Variants in PPARGC1A observed in about 807,000 individuals in gnomAD.
The protein encoded by PPARGC1A is peroxisome proliferator-activated receptor gamma coactivator 1-alpha.
A neutral mutation model predicts 88.7 loss-of-function variants in PPARGC1A; 25 were observed. The ratio of observed to expected loss-of-function variants is 0.28; its 90% CI spans 0.21 to 0.39. The LOEUF (loss-of-function observed/expected upper bound fraction) is 0.39, where lower values mean the gene tolerates loss of function less well. PPARGC1A is among the 10% of genes least tolerant of loss of function. The pLI is 1.00. For synonymous variants in PPARGC1A, 363 were observed against 355.6 expected, an observed-to-expected ratio of 1.02 and a Z score of -0.24; for missense variants, 880 against 968.7, an observed-to-expected ratio of 0.91 and a Z score of 1.22.
At chr4:24,398,044 A>C in the PPARGC1A span, among the ~76,000 whole-genome samples, 1 of 152,208 alleles carries the variant, frequency 6.6e-6, no homozygotes, top group Non-Finnish European at 1.5e-5. Context: ...AAGCCTTAAC[A>C]AGACCTAGCC....
At chr4:23,999,181 G>C in the PPARGC1A span, among the ~76,000 whole-genome samples, 3 of 151,950 alleles carry the variant, frequency 2.0e-5, no homozygotes, top group Non-Finnish European at 4.4e-5. Context: ...TATAAGCCAC[G>C]GTATTCCCTA....
At chr4:23,912,148 T>C in the PPARGC1A span, among the ~76,000 whole-genome samples, 101,329 of 151,550 alleles carry the variant, frequency 0.67, 35,343 homozygotes, top group African/African-American at 0.87. Flanking sequence ...TTTTCAAGAG[T>C]AGGTTCTAGA....
the PPARGC1A span, among the ~76,000 whole-genome samples, chr4:24,284,285 G>A: frequency 6.6e-6 from 1 of 152,094 alleles, no homozygotes; most frequent in South Asian, 2.1e-4. Context: ...CTCCAGCCTG[G>A]GCGACAGAGC....
At chr4:23,887,382 A>G (rs1351559491) in intron 1 of PPARGC1A, among the ~76,000 whole-genome samples, 1 of 152,246 alleles carries the variant, frequency 6.6e-6, no homozygotes, top group Non-Finnish European at 1.5e-5. Flanking sequence ...CCTTTGGACA[A>G]TGCCAGACTT....
At chr4:23,986,657 T>G in the PPARGC1A span, among the ~76,000 whole-genome samples, 1 of 152,088 alleles carries the variant, frequency 6.6e-6, no homozygotes, top group African/African-American at 2.4e-5. Flanking sequence ...AGCCTCTAAA[T>G]TTTAGTAGTA....
the PPARGC1A span, among the ~76,000 whole-genome samples, chr4:24,452,857 T>C: frequency 1.9e-4 from 29 of 152,338 alleles, no homozygotes; most frequent in African/African-American, 6.7e-4. Flanking sequence ...ATAATAATGA[T>C]ATTTTAGAAT....
chr4:24,469,072 T>C, the PPARGC1A span, among the ~76,000 whole-genome samples: 2 of 152,238 alleles, frequency 1.3e-5, no homozygotes, highest in African/African-American at 4.8e-5. Flanking sequence ...AAATTATATC[T>C]GAAGAACATT....
chr4:24,460,006 A>C, the PPARGC1A span, among the ~76,000 whole-genome samples: 9 of 152,230 alleles, frequency 5.9e-5, no homozygotes, highest in African/African-American at 2.2e-4. Flanking sequence ...ATCATAGGAC[A>C]TTCTCTAGTT....
At chr4:24,440,564 G>A in the PPARGC1A span, among the ~76,000 whole-genome samples, 1 of 152,198 alleles carries the variant, frequency 6.6e-6, no homozygotes, top group South Asian at 2.1e-4. Flanking sequence ...CACTTTGGGA[G>A]GCCGGGATGG....
At chr4:24,128,554 G>C in the PPARGC1A span, among the ~76,000 whole-genome samples, 1 of 146,464 alleles carries the variant, frequency 6.8e-6, no homozygotes, top group Non-Finnish European at 1.5e-5. Flanking sequence ...GTGTGTGTGT[G>C]TGTGTGTGTG....
the PPARGC1A span, among the ~76,000 whole-genome samples, chr4:24,382,966 T>A: frequency 4.6e-5 from 7 of 152,304 alleles, no homozygotes; most frequent in African/African-American, 1.2e-4. Context: ...CAGGGGTTGA[T>A]AGACACCTCA....
intron 1 of PPARGC1A, among the ~76,000 whole-genome samples, chr4:23,897,221 A>T (rs1241801261): frequency 2.0e-5 from 3 of 152,202 alleles, no homozygotes; most frequent in African/African-American, 7.2e-5. Context: ...ACCATTAAGA[A>T]TATTTGTAAG....
chr4:23,817,148 A>G (rs1350551200), intron 7 of PPARGC1A, among the ~76,000 whole-genome samples: 1 of 152,206 alleles, frequency 6.6e-6, no homozygotes, highest in Non-Finnish European at 1.5e-5. Context: ...ACGCCAAATT[A>G]GGCCACTATT....
At chr4:24,018,314 AAC>A in the PPARGC1A span, among the ~76,000 whole-genome samples, 1 of 152,180 alleles carries the variant, frequency 6.6e-6, no homozygotes, top group African/African-American at 2.4e-5. Context: ...CTTTTTTAAC[AAC>A]AGTCAGTAAA....
chr4:24,019,613 C>T, the PPARGC1A span, among the ~76,000 whole-genome samples: 1 of 152,176 alleles, frequency 6.6e-6, no homozygotes, highest in African/African-American at 2.4e-5. Context: ...GTTTTCCCAG[C>T]ACTGTCCAGA....
the PPARGC1A span, among the ~76,000 whole-genome samples, chr4:23,963,840 C>G: frequency 0.97 from 148,125 of 152,272 alleles, 72,171 homozygotes; most frequent in East Asian, 1. Flanking sequence ...GTGTCATAGT[C>G]GGGTGAAGAG....
At chr4:24,384,834 C>T in the PPARGC1A span, among the ~76,000 whole-genome samples, 30 of 152,136 alleles carry the variant, frequency 2.0e-4, no homozygotes, top group South Asian at 1.5e-3. Context: ...GACAGATCAA[C>T]GAGACAGAAA....
the PPARGC1A span, among the ~76,000 whole-genome samples, chr4:24,116,492 T>G: frequency 6.6e-6 from 1 of 152,208 alleles, no homozygotes. Flanking sequence ...ATAGTTGCTA[T>G]GAAGAATATG....
At chr4:24,024,292 T>C in the PPARGC1A span, among the ~76,000 whole-genome samples, 13 of 152,340 alleles carry the variant, frequency 8.5e-5, no homozygotes, top group South Asian at 2.3e-3. Context: ...ACGTAGAAAC[T>C]GAGGCTGAGT....
Sources: allele counts gnomAD v4.1 joint callset (sites outside exome capture counted in the v4.1 genomes callset), GRCh38; gene constraint gnomAD v4.1.1; transcripts MANE v1.5; gene names NCBI Gene and HGNC (gene_info 2026-07-23, HGNC 2026-07-21).